Variants in COLEC12 observed in about 807,000 individuals in gnomAD.
The protein encoded by COLEC12 is collectin subfamily member 12.
Under a neutral mutation model 71.1 loss-of-function variants are expected in COLEC12, and 33 were observed. That is an observed-to-expected ratio of 0.46 (90% CI 0.35 to 0.62). The LOEUF is 0.62. Ranked by LOEUF, COLEC12 falls within the 20% of genes least tolerant of loss-of-function variation. The pLI, the probability that COLEC12 is intolerant of heterozygous loss-of-function variation, is 0.00. For synonymous variants in COLEC12, 350 were observed against 353.0 expected (o/e 0.99, Z 0.10); for missense variants, 765 against 916.1 (o/e 0.84, Z 2.13).
At chr18:463,581 G>T (rs547601799) in intron 2 of COLEC12, among the ~76,000 whole-genome samples, 4 of 152,124 alleles carry the variant, frequency 2.6e-5, no homozygotes, top group Admixed American at 2.6e-4. Context: ...ACTGCACAGC[G>T]GGGGCTCGGC....
At position 319,773 on chromosome 18, in the gene COLEC12, T is replaced by G. The variant is rs1408736589; in HGVS notation, c.*272A>C. 1.3e-5 allele frequency: 6 copies of G among 468,702 alleles called. No individual in the cohort carries two copies. The highest frequency in any genetic ancestry group is 2.3e-5 in the Non-Finnish European group (6 of 266,636). 29.0% of individuals were successfully genotyped at this position (468,702 alleles called of 1,614,324 possible). On this transcript the variant is annotated 3_prime_UTR_variant, in exon 10 of 10. Transcript: ENST00000400256. Reference sequence around the variant, plus strand: ...TGTTCCATACTTTGGAAGACATAATTTGTATAATCGCACGGTTACTGACGG... The same window carrying G: ...TGTTCCATACTTTGGAAGACATAATGTGTATAATCGCACGGTTACTGACGG...
At chr18:447,689 T>C (rs1390325247) in intron 2 of COLEC12, among the ~76,000 whole-genome samples, 11 of 152,204 alleles carry the variant, frequency 7.2e-5, no homozygotes, top group Admixed American at 2.0e-4. Flanking sequence ...CACATATACT[T>C]GACAACATTA....
intron 2 of COLEC12, among the ~76,000 whole-genome samples, chr18:375,586 C>T (rs1389640957): frequency 1.3e-5 from 2 of 152,230 alleles, no homozygotes; most frequent in African/African-American, 4.8e-5. Flanking sequence ...CAGCCTCAAA[C>T]TCCTGGGCTC....
chr18:455,029 T>C (rs1196316940), intron 2 of COLEC12, among the ~76,000 whole-genome samples: 5 of 152,224 alleles, frequency 3.3e-5, no homozygotes, highest in African/African-American at 1.2e-4. Flanking sequence ...CTTCTGATTT[T>C]ACTCCTGCCA....
At chr18:490,957 G>A (rs1449007804) in intron 1 of COLEC12, among the ~76,000 whole-genome samples, 3 of 152,188 alleles carry the variant, frequency 2.0e-5, no homozygotes, top group African/African-American at 4.8e-5. Flanking sequence ...TTTAGACCAG[G>A]GTCCATTCCC....
chr18:489,230 C>G (rs954538349), intron 1 of COLEC12, among the ~76,000 whole-genome samples: 1 of 152,222 alleles, frequency 6.6e-6, no homozygotes, highest in African/African-American at 2.4e-5. Flanking sequence ...AAAGTAAATA[C>G]AGCAGTGCTT....
intron 2 of COLEC12, among the ~76,000 whole-genome samples, chr18:391,180 G>A (rs992346103): frequency 6.6e-6 from 1 of 152,138 alleles, no homozygotes. Flanking sequence ...GTAGCTTCCT[G>A]CATCTTGTAG....
At chr18:330,873 G>GTTTTTTTTTTTTTTTT (rs60146586) in intron 8 of COLEC12, among the ~76,000 whole-genome samples, 1 of 133,766 alleles carries the variant, frequency 7.5e-6, no homozygotes, top group African/African-American at 2.8e-5. Context: ...CACATTTGTA[G>GTTTTTTTTTTTTTTTT]TTTTTTTTTT....
intron 3 of COLEC12, among the ~76,000 whole-genome samples, chr18:354,573 G>A (rs142019072): frequency 6.6e-6 from 1 of 152,096 alleles, no homozygotes; most frequent in Non-Finnish European, 1.5e-5. Context: ...GACTTCAAAG[G>A]GGGAATGTGT....
At chr18:370,396 C>A (rs1013152315) in intron 2 of COLEC12, among the ~76,000 whole-genome samples, 3 of 152,136 alleles carry the variant, frequency 2.0e-5, no homozygotes, top group Non-Finnish European at 2.9e-5. Context: ...ACTGGTTAAA[C>A]GGGCTTAAAG....
chr18:335,103 G>C lies in COLEC12; in HGVS notation c.1455C>G (p.Gly485=), dbSNP rs759195738. 2 of 1,612,414 alleles carry C rather than the reference G, an allele frequency of 1.2e-6. No homozygotes were observed. The highest frequency in any genetic ancestry group is 2.7e-5 in the African/African-American group (2 of 74,760). ...CGGGGGGACCAGCTGGTCCAATTGG[G>C]CCTCTCTCACCCGCAGGGCCAGGTG... is the stretch of plus-strand genomic sequence containing the variant. ...PGPPGPAGER[G]PIGPAGPPGE... is the part of the protein sequence containing the mutation. The change falls in exon 6 of 10, where the codon GGC becomes GGG. Residue 485 remains glycine, a synonymous_variant. Coordinates refer to ENST00000400256, the MANE Select transcript of COLEC12 (RefSeq NM_130386.3).
chr18:411,132 ATACCACTCAGGTATCAAT>A (rs1365578750), intron 2 of COLEC12, among the ~76,000 whole-genome samples: 15 of 152,234 alleles, frequency 9.9e-5, no homozygotes, highest in African/African-American at 3.4e-4. Flanking sequence ...AATAATGATG[ATACCACTCAGGTATCAAT>A]GGAGATCCAG....
intron 2 of COLEC12, among the ~76,000 whole-genome samples, chr18:371,318 A>G (rs1914993533): frequency 6.6e-6 from 1 of 152,212 alleles, no homozygotes; most frequent in South Asian, 2.1e-4. Flanking sequence ...GTGTGATTAT[A>G]TGTTTACTAA....
intron 2 of COLEC12, among the ~76,000 whole-genome samples, chr18:360,224 C>G (rs1160838305): frequency 1.3e-5 from 2 of 150,506 alleles, no homozygotes; most frequent in Non-Finnish European, 3.0e-5. Flanking sequence ...GCTCTGTTGC[C>G]CAGGCTGGAG....
At position 347,285 on chromosome 18, in the gene COLEC12, A is replaced by T. The variant is rs1234446725; in HGVS notation, c.337T>A (p.Ser113Thr). ...STNSELSTFRSDILDLRQQLR... is the reference protein window; with the variant it reads ...STNSELSTFRTDILDLRQQLR... ...TGCTGACGGAGATCTAGAATGTCTG[A>T]TCTGAAGGTGGAGAGTTCTGAGTTG... Residue 113 changes from serine to threonine, a missense_variant, in exon 5 of 10, where the codon TCA becomes ACA. Physicochemically the swap from Ser to Thr is moderately conservative, Grantham distance 58. Coordinates refer to ENST00000400256, the MANE Select transcript of COLEC12 (RefSeq NM_130386.3). The T allele has an allele frequency of 6.2e-7, 1 of 1,614,100 alleles. No individual in the cohort carries two copies. The highest frequency in any genetic ancestry group is 1.1e-5 in the South Asian group (1 of 91,078).
intron 2 of COLEC12, among the ~76,000 whole-genome samples, chr18:466,038 G>GAT (rs1567916599): frequency 6.6e-6 from 1 of 151,772 alleles, no homozygotes; most frequent in South Asian, 2.1e-4. Context: ...ATTGTACTCC[G>GAT]GCCTTGGGGA....
intron 1 of COLEC12, among the ~76,000 whole-genome samples, chr18:494,931 G>GTGTA (rs1429173652): frequency 6.6e-6 from 1 of 152,146 alleles, no homozygotes; most frequent in African/African-American, 2.4e-5. Context: ...AGTCCAATAA[G>GTGTA]TGTATTTCAT....
chr18:355,321 C>T (rs770616663), intron 3 of COLEC12, among the ~76,000 whole-genome samples: 5 of 151,984 alleles, frequency 3.3e-5, no homozygotes, highest in African/African-American at 4.8e-5. Context: ...ATTCAGCTTT[C>T]GGGAGCTGCC....
At chr18:370,449 C>G (rs1405255712) in intron 2 of COLEC12, among the ~76,000 whole-genome samples, 1 of 152,098 alleles carries the variant, frequency 6.6e-6, no homozygotes, top group South Asian at 2.1e-4. Context: ...CTGTCCAATC[C>G]GCACTTTGCT....
Sources: allele counts gnomAD v4.1 joint callset (sites outside exome capture counted in the v4.1 genomes callset), GRCh38; gene constraint gnomAD v4.1.1; transcripts MANE v1.5; gene names NCBI Gene and HGNC (gene_info 2026-07-23, HGNC 2026-07-21).